Variants in FRA10AC1 observed in about 807,000 individuals in gnomAD.
FRA10AC1 encodes the protein protein FRA10AC1.
Under a neutral mutation model 56.5 loss-of-function variants are expected in FRA10AC1, and 43 were observed. The ratio of observed to expected loss-of-function variants is 0.76; its 90% CI spans 0.60 to 0.98. The LOEUF is 0.98. Ranked by LOEUF, FRA10AC1 falls within the 50% of genes least tolerant of loss-of-function variation. The pLI is 0.00. For missense variants in FRA10AC1, 346 were observed against 351.8 expected (o/e 0.98, Z 0.13); for synonymous variants, 112 against 110.5 (o/e 1.01, Z -0.09).
In FRA10AC1 at chr10:93,695,177, T is replaced by C. The variant is rs75368549; in HGVS notation, c.220-240A>G. On this transcript the variant is annotated intron_variant, in intron 4 of 13. Coordinates refer to ENST00000359204, the MANE Select transcript of FRA10AC1 (RefSeq NM_145246.5). ...ATTTTTCAAGCATATACTACTCTTGTGATAAAAATATACCTCCATCTGGGG... is the reference window on the plus strand; with the variant it reads ...ATTTTTCAAGCATATACTACTCTTGCGATAAAAATATACCTCCATCTGGGG... Among the ~76,000 whole-genome samples, 1,105 of 152,238 alleles carry C rather than the reference T, an allele frequency of 7.3e-3. 8 individuals are homozygous for C. The highest frequency in any genetic ancestry group is 0.021 in the African/African-American group (888 of 41,566).
chr10:93,694,323 C>T (rs1182758840), intron 5 of FRA10AC1, among the ~76,000 whole-genome samples: 1 of 152,064 alleles, frequency 6.6e-6, no homozygotes, highest in Non-Finnish European at 1.5e-5. Context: ...TTGTGCCCGG[C>T]TCAGCAGGTA....
At chr10:93,677,237 T>TA (rs1052216598) in intron 11 of FRA10AC1, among the ~76,000 whole-genome samples, 13 of 149,806 alleles carry the variant, frequency 8.7e-5, no homozygotes, top group East Asian at 3.9e-4. Flanking sequence ...CAGTGTAATT[T>TA]AAAAAAAAAA....
Position 93,698,163 on chromosome 10 carries a change from T to C in FRA10AC1, c.192A>G (p.Arg64=). 6.3e-7 allele frequency: 1 copy of C among 1,583,022 alleles called. No homozygotes were observed. The highest frequency in any genetic ancestry group is 8.6e-7 in the Non-Finnish European group (1 of 1,161,434). ...ELLDREEARN[R]RFHLIAMDAY... ...CATCCATAGCTATGAGATGAAACCTTCTATTTCTTGCTTCTTCCCTGTTAA... is the reference window on the plus strand; with the variant it reads ...CATCCATAGCTATGAGATGAAACCTCCTATTTCTTGCTTCTTCCCTGTTAA... Residue 64 remains arginine, a synonymous_variant, in exon 4 of 14, where the codon AGA becomes AGG. Transcript: ENST00000359204.
intron 7 of FRA10AC1, among the ~76,000 whole-genome samples, chr10:93,689,349 T>C (rs2059085597): frequency 6.6e-6 from 1 of 152,086 alleles, no homozygotes; most frequent in Non-Finnish European, 1.5e-5. Context: ...TCAAAATATT[T>C]CAAAATACTC....
At chr10:93,675,681 G>A in intron 12 of FRA10AC1, 2 of 363,370 alleles carry the variant, frequency 5.5e-6, no homozygotes, top group Admixed American at 2.7e-5. Context: ...CTCCAACCTG[G>A]GTGAAAGAGC....
At chr10:93,695,798 T>C (rs2059223360) in intron 4 of FRA10AC1, among the ~76,000 whole-genome samples, 1 of 152,116 alleles carries the variant, frequency 6.6e-6, no homozygotes, top group African/African-American at 2.4e-5. Flanking sequence ...GCTCTTGATC[T>C]ACCACTAACT....
intron 7 of FRA10AC1, 194 bp downstream of exon 7, chr10:93,691,815 C>T (rs2059128294): frequency 2.1e-6 from 1 of 475,236 alleles, no homozygotes; most frequent in Non-Finnish European, 3.5e-6. Context: ...CCTTGTCCTT[C>T]ATAAATTTCC....
intron 8 of FRA10AC1, among the ~76,000 whole-genome samples, chr10:93,686,497 T>A (rs2059029958): frequency 6.6e-6 from 1 of 151,768 alleles, no homozygotes; most frequent in African/African-American, 2.4e-5. Flanking sequence ...GATAGACATT[T>A]CAGGATTTCT....
chr10:93,687,269 G>A lies in FRA10AC1; in HGVS notation c.511+135C>T, dbSNP rs188123657. 110 of 644,968 alleles carry A rather than the reference G, an allele frequency of 1.7e-4. No homozygotes were observed. In the African/African-American group the frequency reaches 1.8e-3, roughly 11 times the overall value. The allele number at this position is 644,968 out of a possible 1,614,324, so 40.0% of individuals were successfully genotyped here. A position where few individuals can be genotyped will look rare whatever the true frequency, so the allele number is the denominator to read the frequency against. On this transcript the variant is annotated intron_variant, in intron 8 of 13. Coordinates refer to ENST00000359204, the MANE Select transcript of FRA10AC1 (RefSeq NM_145246.5). ...CAGACCTTTGCTAATAATGTATCAT[G>A]AATACACCTTCTCTAATTTTACTTT... is the stretch of plus-strand genomic sequence containing the variant.
In FRA10AC1 at chr10:93,694,899, T is replaced by C. The variant is rs138671069; in HGVS notation, c.258A>G (p.Leu86=). The change falls in exon 5 of 14, where the codon TTA becomes TTG. Residue 86 remains leucine, a synonymous_variant. Transcript: ENST00000359204. ...AGTCTTCTTTTTTGCCACCATAGTA[T>C]AAAATATAGTCATTTACGAACTTTG... The part of the protein sequence containing the change: ...RHTKFVNDYI[L]YYGGKKEDFK... 1.9e-6 allele frequency: 3 copies of C among 1,585,402 alleles called. No homozygotes were observed. The highest frequency in any genetic ancestry group is 2.7e-5 in the African/African-American group (2 of 74,726).
intron 2 of FRA10AC1, 145 bp from the exon 3 acceptor site, chr10:93,698,541 T>C: frequency 1.9e-6 from 1 of 523,900 alleles, no homozygotes; most frequent in East Asian, 2.9e-5. Flanking sequence ...ATATTTTACA[T>C]TTCCTTAAAT....
chr10:93,692,705 A>T lies in FRA10AC1; in HGVS notation c.321T>A (p.Asp107Glu). 1 of 1,590,118 alleles carries T rather than the reference A, an allele frequency of 6.3e-7. No homozygotes were observed. Among genetic ancestry groups the T allele is most frequent in the Non-Finnish European group, 8.5e-7 (1 of 1,170,366 alleles). ...RLGENDKTDL[D>E]VIRENHRFLW... is the part of the protein sequence containing the mutation. The stretch of plus-strand genomic sequence containing the variant: ...GGAATCTATGATTTTCTCGTATAAC[A>T]TCCAAGTCTGTCTTGTCATTTTCCC... Residue 107 changes from aspartate (D) to glutamate (E), a missense_variant, in exon 6 of 14, where the codon GAT becomes GAA. Asp to Glu is a conservative substitution (Grantham distance 45, BLOSUM62 2). Transcript: ENST00000359204.
At chr10:93,689,631 T>C (rs1281856811) in intron 7 of FRA10AC1, among the ~76,000 whole-genome samples, 1 of 152,162 alleles carries the variant, frequency 6.6e-6, no homozygotes, top group African/African-American at 2.4e-5. Flanking sequence ...AAGTGATTAT[T>C]AAAATAGTGT....
intron 11 of FRA10AC1, among the ~76,000 whole-genome samples, chr10:93,679,200 C>T (rs756596014): frequency 2.7e-4 from 41 of 152,200 alleles, no homozygotes; most frequent in Non-Finnish European, 4.7e-4. Context: ...AAAGAGATGT[C>T]TCAATTCCAC....
intron 11 of FRA10AC1, among the ~76,000 whole-genome samples, chr10:93,677,081 C>T (rs1423299434): frequency 2.0e-5 from 3 of 152,128 alleles, no homozygotes; most frequent in Non-Finnish European, 4.4e-5. Flanking sequence ...TTTACAGTAT[C>T]TTTTCTAAAG....
At chr10:93,702,308 A>G (rs897347215) in intron 1 of FRA10AC1, 67 bp downstream of exon 1, 1 of 152,890 alleles carries the variant, frequency 6.5e-6, no homozygotes, top group African/African-American at 2.4e-5. Context: ...AGCTAGTACT[A>G]TATGAAAAAC....
At chr10:93,677,950 C>T (rs2058871850) in intron 11 of FRA10AC1, among the ~76,000 whole-genome samples, 1 of 152,238 alleles carries the variant, frequency 6.6e-6, no homozygotes, top group African/African-American at 2.4e-5. Context: ...CTCACCTACA[C>T]TTATTGAATG....
chr10:93,694,788 G>C (rs1246739746), intron 5 of FRA10AC1, 73 bp downstream of exon 5: 1 of 720,850 alleles, frequency 1.4e-6, no homozygotes. Context: ...AGAATCAGAA[G>C]GCACAGTAGC....
intron 8 of FRA10AC1, 27 bp from the exon 9 acceptor site, chr10:93,685,386 A>T (rs748884652): frequency 1.0e-6 from 1 of 990,010 alleles, no homozygotes; most frequent in South Asian, 1.3e-5. Context: ...AATATTAGCT[A>T]TGGTAGTTGG....
Sources: gnomAD v4.1 joint callset for allele counts (sites outside exome capture counted in the v4.1 genomes callset) on GRCh38, gnomAD v4.1.1 for gene constraint, MANE v1.5 for transcripts, NCBI Gene and HGNC (gene_info 2026-07-23, HGNC 2026-07-21) for gene names.